Variants in TOX observed in about 807,000 individuals in gnomAD.
The protein encoded by TOX is thymocyte selection-associated high mobility group box protein TOX.
TOX carries 11 observed loss-of-function variants against 53.7 expected under a neutral mutation model. The ratio of observed to expected loss-of-function variants is 0.20; its 90% CI spans 0.13 to 0.34. The LOEUF (loss-of-function observed/expected upper bound fraction) is 0.34. Ranked by LOEUF, TOX falls within the 10% of genes least tolerant of loss-of-function variation. TOX has a pLI of 1.00. For missense variants in TOX, 570 were observed against 664.6 expected (o/e 0.86, Z 1.56); for synonymous variants, 225 against 245.3 (o/e 0.92, Z 0.77).
At chr8:58,980,587 A>C (rs907617632) in intron 1 of TOX, among the ~76,000 whole-genome samples, 1 of 152,150 alleles carries the variant, frequency 6.6e-6, no homozygotes, top group East Asian at 1.9e-4. Context: ...TGATTGACTA[A>C]TTAATTCAGC....
chr8:59,106,176 AAT>A (rs1230028918), intron 1 of TOX, among the ~76,000 whole-genome samples: 1 of 152,096 alleles, frequency 6.6e-6, no homozygotes, highest in African/African-American at 2.4e-5. Flanking sequence ...ACCTCTCAGA[AAT>A]ATATCCTTCC....
chr8:58,888,686 A>G (rs1811511499), intron 3 of TOX, among the ~76,000 whole-genome samples: 1 of 151,966 alleles, frequency 6.6e-6, no homozygotes, highest in Non-Finnish European at 1.5e-5. Flanking sequence ...CAACAGCAGA[A>G]TATTAGTATA....
chr8:58,866,522 T>C (rs1811104848), intron 3 of TOX, among the ~76,000 whole-genome samples: 1 of 152,244 alleles, frequency 6.6e-6, no homozygotes, highest in African/African-American at 2.4e-5. Context: ...ATTTATGCTT[T>C]CTATCCTTTT....
At position 58,998,493 on chromosome 8, in the gene TOX, GTATATATA is replaced by G. The variant is rs61434586; in HGVS notation, c.103-38493_103-38486del. ...GATAGAGCCAGACTCCATCTCAAAA[GTATATATA>G]TATATATATATATATATATATATAT... On this transcript the variant is annotated intron_variant, in intron 1 of 8. Transcript: ENST00000361421. 1.1e-3 allele frequency among the ~76,000 whole-genome samples: 71 copies of G among 63,592 alleles called. 2 individuals carry two copies. Among genetic ancestry groups the G allele is most frequent in the African/African-American group, 2.8e-3 (26 of 9,126 alleles). The allele number at this position is 63,592 out of a possible 152,430, so 41.7% of individuals were successfully genotyped here.
chr8:58,855,642 A>G (rs1045824924), intron 3 of TOX, among the ~76,000 whole-genome samples: 1 of 152,198 alleles, frequency 6.6e-6, no homozygotes, highest in Admixed American at 6.5e-5. Context: ...TCTACCCCAA[A>G]GAGTGGTACA....
intron 1 of TOX, among the ~76,000 whole-genome samples, chr8:59,002,464 C>T (rs1411679975): frequency 1.3e-5 from 2 of 151,052 alleles, no homozygotes; most frequent in Non-Finnish European, 3.0e-5. Context: ...TGGTGGCAGG[C>T]GCCTGTAGTC....
chr8:58,900,232 C>G (rs1476118174), intron 3 of TOX, among the ~76,000 whole-genome samples: 1 of 152,110 alleles, frequency 6.6e-6, no homozygotes, highest in Non-Finnish European at 1.5e-5. Context: ...TTTTCAACCA[C>G]AGCATATGTT....
chr8:58,929,202 G>T (rs57885629), intron 3 of TOX, among the ~76,000 whole-genome samples: 1,986 of 152,050 alleles, frequency 0.013, 58 homozygotes, highest in African/African-American at 0.046. Flanking sequence ...ATCAAAATGT[G>T]AAATATATTT....
intron 1 of TOX, among the ~76,000 whole-genome samples, chr8:59,107,519 T>C (rs180826089): frequency 1.3e-5 from 2 of 152,326 alleles, no homozygotes; most frequent in African/African-American, 2.4e-5. Context: ...TGTTGAAATA[T>C]TTGTCTTCTT....
At chr8:58,915,740 G>A (rs893262871) in intron 3 of TOX, among the ~76,000 whole-genome samples, 3 of 151,932 alleles carry the variant, frequency 2.0e-5, no homozygotes, top group Non-Finnish European at 4.4e-5. Context: ...GGCTTCAGAC[G>A]ATCAAATTAC....
intron 1 of TOX, among the ~76,000 whole-genome samples, chr8:59,009,046 C>T (rs1813847230): frequency 6.6e-6 from 1 of 151,988 alleles, no homozygotes; most frequent in African/African-American, 2.4e-5. Context: ...TCCCTCTTTC[C>T]ATTTTTCCTT....
At chr8:59,096,831 T>A (rs191931023) in intron 1 of TOX, among the ~76,000 whole-genome samples, 1 of 152,178 alleles carries the variant, frequency 6.6e-6, no homozygotes, top group African/African-American at 2.4e-5. Context: ...AAATCTCCTG[T>A]TCTTTCCGAT....
chr8:58,998,493 GTATATATATATATATA>G (rs61434586), intron 1 of TOX, among the ~76,000 whole-genome samples: 8 of 63,616 alleles, frequency 1.3e-4, no homozygotes, highest in African/African-American at 3.3e-4. Context: ...CATCTCAAAA[GTATATATATATATATA>G]TATATATATA....
intron 3 of TOX, among the ~76,000 whole-genome samples, chr8:58,865,446 T>TAA (rs1447360264): frequency 6.6e-6 from 1 of 152,198 alleles, no homozygotes; most frequent in African/African-American, 2.4e-5. Context: ...GTTTTAATTC[T>TAA]TGTTGAAAAC....
intron 1 of TOX, among the ~76,000 whole-genome samples, chr8:59,064,586 T>C (rs1804053591): frequency 6.6e-6 from 1 of 152,190 alleles, no homozygotes; most frequent in Non-Finnish European, 1.5e-5. Flanking sequence ...AACAAGCTTC[T>C]CGGAAGTCAA....
intron 3 of TOX, among the ~76,000 whole-genome samples, chr8:58,885,738 G>A (rs1811455434): frequency 6.6e-6 from 1 of 152,164 alleles, no homozygotes; most frequent in South Asian, 2.1e-4. Flanking sequence ...TTAGTCTGGT[G>A]TGTTTGCTGT....
chr8:58,929,010 A>G (rs1324323170), intron 3 of TOX, among the ~76,000 whole-genome samples: 1 of 152,156 alleles, frequency 6.6e-6, no homozygotes, highest in Non-Finnish European at 1.5e-5. Flanking sequence ...TTGAAAAATA[A>G]TGCTTTTCAA....
At chr8:59,079,672 C>T (rs1016862358) in intron 1 of TOX, among the ~76,000 whole-genome samples, 2 of 152,238 alleles carry the variant, frequency 1.3e-5, no homozygotes, top group Non-Finnish European at 2.9e-5. Context: ...AGGAACACTG[C>T]TGTAGGGGTG....
intron 1 of TOX, among the ~76,000 whole-genome samples, chr8:59,109,171 C>T (rs1011684301): frequency 6.6e-6 from 1 of 152,130 alleles, no homozygotes; most frequent in African/African-American, 2.4e-5. Flanking sequence ...TTCTAAACAT[C>T]TCTTTAAATA....
Sources: gnomAD v4.1 joint callset for allele counts (sites outside exome capture counted in the v4.1 genomes callset) on GRCh38, gnomAD v4.1.1 for gene constraint, MANE v1.5 for transcripts, NCBI Gene and HGNC (gene_info 2026-07-23, HGNC 2026-07-21) for gene names.